The following CNTNAP2 variants were observed in gnomAD, a reference collection of about 807,000 sequenced individuals.
The protein encoded by CNTNAP2 is contactin associated protein 2.
A neutral mutation model predicts 155.2 loss-of-function variants in CNTNAP2; 98 were observed. That is an observed-to-expected ratio of 0.63 (90% CI 0.54 to 0.75). The LOEUF is 0.75. Among genes scored for constraint, CNTNAP2 ranks in the 30% least tolerant of loss-of-function variants. The probability of loss-of-function intolerance (pLI) is 0.00; values close to 1 mark genes in which losing one functional copy is unlikely to be tolerated. For missense variants in CNTNAP2, 1,727 were observed against 1,688.1 expected (o/e 1.02, Z -0.40); for synonymous variants, 651 against 631.2 (o/e 1.03, Z -0.47).
intron 1 of CNTNAP2, among the ~76,000 whole-genome samples, chr7:146,710,382 G>A (rs982928358): frequency 3.0e-4 from 45 of 152,268 alleles, no homozygotes; most frequent in Admixed American, 1.5e-3. Context: ...AGGCCTGACT[G>A]TTTCCTATTC....
At chr7:148,038,274 C>T (rs971056571) in intron 15 of CNTNAP2, among the ~76,000 whole-genome samples, 16 of 152,198 alleles carry the variant, frequency 1.1e-4, no homozygotes, top group Admixed American at 9.8e-4. Flanking sequence ...ACCCCAGATG[C>T]TAATCACTCC....
intron 18 of CNTNAP2, among the ~76,000 whole-genome samples, chr7:148,175,510 T>C (rs140311441): frequency 1.3e-5 from 2 of 152,184 alleles, no homozygotes; most frequent in Non-Finnish European, 2.9e-5. Context: ...ACAATGCATT[T>C]GTTAAATCTC....
At chr7:148,215,869 C>A (rs1795630799) in intron 18 of CNTNAP2, among the ~76,000 whole-genome samples, 1 of 152,222 alleles carries the variant, frequency 6.6e-6, no homozygotes, top group Non-Finnish European at 1.5e-5. Flanking sequence ...ACCTCTTTAA[C>A]AAGAACAAAC....
At chr7:147,851,172 T>A (rs1160753040) in intron 13 of CNTNAP2, among the ~76,000 whole-genome samples, 1 of 152,006 alleles carries the variant, frequency 6.6e-6, no homozygotes, top group Non-Finnish European at 1.5e-5. Context: ...CATGAAAAAA[T>A]GCTCATCATC....
intron 13 of CNTNAP2, among the ~76,000 whole-genome samples, chr7:147,823,334 G>A (rs1355105153): frequency 6.6e-6 from 1 of 152,072 alleles, no homozygotes; most frequent in Non-Finnish European, 1.5e-5. Context: ...CTGATTTAAG[G>A]GGTAGACTTA....
chr7:148,380,464 T>C (rs1799030984), intron 21 of CNTNAP2, among the ~76,000 whole-genome samples: 1 of 152,228 alleles, frequency 6.6e-6, no homozygotes, highest in Non-Finnish European at 1.5e-5. Flanking sequence ...CAGCCGCTAA[T>C]GAAACACAAT....
At chr7:146,306,945 A>G (rs1393660553) in intron 1 of CNTNAP2, among the ~76,000 whole-genome samples, 1 of 152,014 alleles carries the variant, frequency 6.6e-6, no homozygotes, top group East Asian at 1.9e-4. Context: ...CTCTCTCACC[A>G]CTCCTATTCA....
At chr7:146,689,291 A>G (rs1471175939) in intron 1 of CNTNAP2, among the ~76,000 whole-genome samples, 1 of 152,118 alleles carries the variant, frequency 6.6e-6, no homozygotes, top group East Asian at 1.9e-4. Flanking sequence ...GATAGGGGTT[A>G]TCAAGCAGTG....
chr7:146,451,036 C>CT (rs1796472460), intron 1 of CNTNAP2, among the ~76,000 whole-genome samples: 1 of 151,772 alleles, frequency 6.6e-6, no homozygotes, highest in Non-Finnish European at 1.5e-5. Flanking sequence ...AAGCTCTGAC[C>CT]CCCGGGTTCA....
At chr7:147,217,190 G>C (rs1347871439) in intron 8 of CNTNAP2, among the ~76,000 whole-genome samples, 2 of 151,786 alleles carry the variant, frequency 1.3e-5, no homozygotes, top group African/African-American at 4.8e-5. Context: ...GTACAATGGC[G>C]AAAATAAGTG....
At chr7:147,893,971 T>G (rs926993468) in intron 13 of CNTNAP2, among the ~76,000 whole-genome samples, 1 of 152,176 alleles carries the variant, frequency 6.6e-6, no homozygotes, top group Admixed American at 6.5e-5. Context: ...ACATCCATAC[T>G]GGGGAAAACA....
At chr7:147,956,699 C>G (rs1247751111) in intron 14 of CNTNAP2, among the ~76,000 whole-genome samples, 1 of 152,172 alleles carries the variant, frequency 6.6e-6, no homozygotes, top group Non-Finnish European at 1.5e-5. Flanking sequence ...TCCATCATAT[C>G]AGGAAAAGCT....
At chr7:146,764,705 C>T (rs1483205416) in intron 1 of CNTNAP2, among the ~76,000 whole-genome samples, 2 of 152,094 alleles carry the variant, frequency 1.3e-5, no homozygotes, top group East Asian at 3.9e-4. Flanking sequence ...GCAGACCAGA[C>T]AATTTTTTAT....
intron 9 of CNTNAP2, among the ~76,000 whole-genome samples, chr7:147,370,376 C>G (rs1184854636): frequency 6.6e-6 from 1 of 152,124 alleles, no homozygotes; most frequent in Non-Finnish European, 1.5e-5. Flanking sequence ...CTCTGAGCAC[C>G]CTTTGCACAT....
intron 1 of CNTNAP2, among the ~76,000 whole-genome samples, chr7:146,125,696 C>A (rs146675115): frequency 6.6e-6 from 1 of 151,544 alleles, no homozygotes; most frequent in East Asian, 1.9e-4. Flanking sequence ...TTGCTTCTAC[C>A]ATTAAGAACA....
At chr7:146,387,253 G>A (rs1474324518) in intron 1 of CNTNAP2, among the ~76,000 whole-genome samples, 2 of 152,098 alleles carry the variant, frequency 1.3e-5, no homozygotes, top group Non-Finnish European at 2.9e-5. Context: ...CAGAGCACCT[G>A]CACTGGAGGT....
At position 147,326,163 on chromosome 7, in the gene CNTNAP2, A is replaced by C. The variant is rs988040336; in HGVS notation, c.1498+25873A>C. On this transcript the variant is annotated intron_variant, in intron 9 of 23. Transcript: ENST00000361727. ...ATGGTCTCGATCTCCTGACCTGGTG[A>C]TCCGCCCGCCTTGGCCTCCCAAAGT... 5.3e-5 allele frequency among the ~76,000 whole-genome samples: 8 copies of C among 152,144 alleles called. No individual in the cohort carries two copies. The East Asian group carries it at 1.4e-3, about 26-fold the overall frequency.
intron 8 of CNTNAP2, among the ~76,000 whole-genome samples, chr7:147,236,421 GTTT>G (rs11341712): frequency 1.4e-5 from 2 of 139,070 alleles, no homozygotes; most frequent in Non-Finnish European, 3.2e-5. Flanking sequence ...TTTTAAGCTT[GTTT>G]TTTTTTTTTT....
intron 1 of CNTNAP2, among the ~76,000 whole-genome samples, chr7:146,190,332 C>T (rs768112092): frequency 6.7e-6 from 1 of 148,608 alleles, no homozygotes; most frequent in Non-Finnish European, 1.5e-5. Context: ...TCAGCACTGT[C>T]GTTGAGTTGT....
Sources: gnomAD v4.1 joint callset for allele counts (sites outside exome capture counted in the v4.1 genomes callset) on GRCh38, gnomAD v4.1.1 for gene constraint, MANE v1.5 for transcripts, NCBI Gene and HGNC (gene_info 2026-07-23, HGNC 2026-07-21) for gene names.